The following FAM178B variants were observed in gnomAD, a reference collection of about 807,000 sequenced individuals.
FAM178B encodes family with sequence similarity 178 member B.
Under a neutral mutation model 91.7 loss-of-function variants are expected in FAM178B, and 82 were observed. The observed-to-expected ratio is 0.89, with a 90% confidence interval of 0.75 to 1.07. The LOEUF (loss-of-function observed/expected upper bound fraction) is 1.07, where lower values mean the gene tolerates loss of function less well. FAM178B is among the 50% of genes least tolerant of loss of function. FAM178B has a pLI of 0.00. For synonymous variants in FAM178B, 368 were observed against 359.4 expected, an observed-to-expected ratio of 1.02 and a Z score of -0.27; for missense variants, 769 against 846.7, an observed-to-expected ratio of 0.91 and a Z score of 1.14.
intron 6 of FAM178B, among the ~76,000 whole-genome samples, chr2:96,953,026 AG>A (rs1314850103): frequency 1.3e-5 from 2 of 152,226 alleles, no homozygotes; most frequent in African/African-American, 4.8e-5. Flanking sequence ...CTCTGAGCCA[AG>A]CTGCTGTCTC....
At chr2:96,897,982 C>T in intron 13 of FAM178B, 1 of 985,508 alleles carries the variant, frequency 1.0e-6, no homozygotes, top group African/African-American at 1.7e-5. Context: ...TCTGCTCCTG[C>T]TCCATGGGGC....
Position 96,974,865 on chromosome 2 carries a change from G to A in FAM178B, c.74-2259C>T, listed in dbSNP as rs898974646. Among the ~76,000 whole-genome samples the A allele has an allele frequency of 4.6e-5, 7 of 151,970 alleles. No individual in the cohort carries two copies. In the South Asian group the frequency reaches 6.2e-4, roughly 14 times the overall value. ...AGCACTTTGGGAGGCCGAGGCGGGCGTTATCACTTGAGGTCAAGAGTTCGA... is the reference window on the plus strand; with the variant it reads ...AGCACTTTGGGAGGCCGAGGCGGGCATTATCACTTGAGGTCAAGAGTTCGA... On this transcript the variant is annotated intron_variant, in intron 1 of 16. Transcript: ENST00000490605.
chr2:96,971,694 G>T (rs564779374), intron 3 of FAM178B, among the ~76,000 whole-genome samples: 3 of 152,354 alleles, frequency 2.0e-5, no homozygotes, highest in Admixed American at 2.0e-4. Context: ...GTTACTGGTG[G>T]AGACACAGGG....
chr2:96,978,916 C>T (rs2082325320), intron 1 of FAM178B, among the ~76,000 whole-genome samples: 1 of 150,838 alleles, frequency 6.6e-6, no homozygotes, highest in Admixed American at 6.6e-5. Flanking sequence ...TGAGCCACTG[C>T]ACCCGGCCGA....
At chr2:96,896,512 C>T (rs1459809048) in intron 13 of FAM178B, among the ~76,000 whole-genome samples, 1 of 152,174 alleles carries the variant, frequency 6.6e-6, no homozygotes, top group Non-Finnish European at 1.5e-5. Context: ...GCTGGCTCTA[C>T]AAACACTCGG....
At chr2:96,904,541 ATTTTTTT>A (rs11284849) in intron 12 of FAM178B, among the ~76,000 whole-genome samples, 233 of 96,658 alleles carry the variant, frequency 2.4e-3, no homozygotes, top group South Asian at 0.016. Flanking sequence ...ATGCCTGGCT[ATTTTTTT>A]TTTTTTTTTT....
intron 5 of FAM178B, among the ~76,000 whole-genome samples, chr2:96,962,166 G>A (rs558476845): frequency 6.6e-6 from 1 of 152,218 alleles, no homozygotes; most frequent in South Asian, 2.1e-4. Context: ...GCTGGGCGTG[G>A]TAGCCGGCAC....
chr2:96,947,207 G>T (rs867676433), intron 8 of FAM178B, among the ~76,000 whole-genome samples: 2 of 152,198 alleles, frequency 1.3e-5, no homozygotes, highest in Non-Finnish European at 2.9e-5. Flanking sequence ...ACTAGGGGGG[G>T]AAATTAATTC....
intron 13 of FAM178B, among the ~76,000 whole-genome samples, chr2:96,901,017 C>T (rs992157454): frequency 2.0e-5 from 3 of 152,202 alleles, no homozygotes; most frequent in African/African-American, 4.8e-5. Flanking sequence ...AAGATTACTG[C>T]GGAGGTGCGG....
chr2:96,967,686 G>T, intron 4 of FAM178B, 59 bp from the exon 5 acceptor site: 3 of 1,204,968 alleles, frequency 2.5e-6, no homozygotes, highest in Non-Finnish European at 2.4e-6. Flanking sequence ...GTGCAACCCT[G>T]TCACTGGGCT....
At chr2:96,910,793 CTTAA>C (rs1428458289) in intron 12 of FAM178B, among the ~76,000 whole-genome samples, 24 of 149,640 alleles carry the variant, frequency 1.6e-4, no homozygotes, top group African/African-American at 5.0e-4. Context: ...CATCTCTCTT[CTTAA>C]TTTTTTTTTT....
At chr2:96,921,332 G>A (rs891048351) in intron 11 of FAM178B, 70 bp from the exon 12 acceptor site, 27 of 1,509,444 alleles carry the variant, frequency 1.8e-5, no homozygotes, top group South Asian at 7.2e-5. Flanking sequence ...CACCCAGCCC[G>A]CACAGGGGAG....
At chr2:96,965,730 G>C (rs1374770302) in intron 5 of FAM178B, among the ~76,000 whole-genome samples, 1 of 151,862 alleles carries the variant, frequency 6.6e-6, no homozygotes, top group Non-Finnish European at 1.5e-5. Flanking sequence ...GCCTCCCAAA[G>C]TGTTGCAATT....
Position 96,892,165 on chromosome 2 carries a change from T to TG in FAM178B, c.1776+1760dup, listed in dbSNP as rs562348618. On this transcript the variant is annotated intron_variant, in intron 14 of 16. Coordinates refer to ENST00000490605, the MANE Select transcript of FAM178B (RefSeq NM_001122646.3). The stretch of plus-strand genomic sequence containing the variant: ...GGGGTGGGAGTGGAGCCCAGTCACC[T>TG]GCCCCACCTGGCCCCTCCCAGTCAG... Among the ~76,000 whole-genome samples the TG allele has an allele frequency of 1.6e-4, 25 of 152,298 alleles. No individual in the cohort carries two copies. The East Asian group carries it at 2.9e-3, about 18-fold the overall frequency.
In FAM178B at chr2:96,951,428, T is replaced by TA; in HGVS notation, c.943dup (p.Tyr315LeufsTer6). On this transcript the variant is annotated frameshift_variant, in exon 7 of 17. Transcript: ENST00000490605. LOFTEE classifies it high-confidence loss of function. ...TACCGGGCAGTCAGGCATGTGCAGGTAGAGGATGTTCAGGAGGCCACTGCG... is the reference window on the plus strand; with the variant it reads ...TACCGGGCAGTCAGGCATGTGCAGGTAAGAGGATGTTCAGGAGGCCACTGCG... 10 of 1,551,260 alleles carry TA rather than the reference T, an allele frequency of 6.4e-6. No homozygotes were observed. Among genetic ancestry groups the TA allele is most frequent in the African/African-American group, 2.7e-5 (2 of 73,020 alleles).
rs80028725 is a variant in FAM178B, at chr2:96,912,824, T to G, written c.1562+8341A>C. Among the ~76,000 whole-genome samples the G allele has an allele frequency of 5.6e-3, 856 of 152,288 alleles. 9 individuals are homozygous for G. Among genetic ancestry groups the G allele is most frequent in the African/African-American group, 0.02 (819 of 41,558 alleles). ...GCCCTTCTGAAATCTCCAGGTTGACTGGGCCTTGACTGCCTCCTTCCAGAC... is the reference window on the plus strand; with the variant it reads ...GCCCTTCTGAAATCTCCAGGTTGACGGGGCCTTGACTGCCTCCTTCCAGAC... On this transcript the variant is annotated intron_variant, in intron 12 of 16. Transcript: ENST00000490605.
chr2:96,944,241 CAAAAAAAAAAAA>C (rs397868752), intron 8 of FAM178B, among the ~76,000 whole-genome samples: 19 of 56,960 alleles, frequency 3.3e-4, no homozygotes, highest in African/African-American at 8.7e-4. Context: ...GACTCCATCT[CAAAAAAAAAAAA>C]AAAAAAAAAA....
At chr2:96,904,510 TAC>T (rs1162270081) in intron 12 of FAM178B, among the ~76,000 whole-genome samples, 2 of 151,258 alleles carry the variant, frequency 1.3e-5, no homozygotes, top group African/African-American at 4.9e-5. Context: ...TAGCTGGGAC[TAC>T]AGTCACGCAC....
At chr2:96,889,841 G>A (rs183750123) in intron 14 of FAM178B, among the ~76,000 whole-genome samples, 1 of 151,734 alleles carries the variant, frequency 6.6e-6, no homozygotes, top group East Asian at 1.9e-4. Context: ...CAATAATCTC[G>A]ATGGAATTGA....
Sources: allele counts gnomAD v4.1 joint callset (sites outside exome capture counted in the v4.1 genomes callset), GRCh38; gene constraint gnomAD v4.1.1; transcripts MANE v1.5; gene names NCBI Gene and HGNC (gene_info 2026-07-23, HGNC 2026-07-21).